CACNB4: variants seen among roughly 807,000 people sequenced by gnomAD.
The protein encoded by CACNB4 is calcium voltage-gated channel auxiliary subunit beta 4.
CACNB4 carries 32 observed loss-of-function variants against 71.2 expected under a neutral mutation model. The ratio of observed to expected loss-of-function variants is 0.45; its 90% CI spans 0.34 to 0.60. The LOEUF is 0.60. CACNB4 is among the 20% of genes least tolerant of loss of function. The pLI, the probability that CACNB4 is intolerant of heterozygous loss-of-function variation, is 0.01. For synonymous variants in CACNB4, 231 were observed against 236.9 expected (o/e 0.97, Z 0.23); for missense variants, 464 against 647.9 (o/e 0.72, Z 3.08).
At chr2:152,083,321 A>T (rs1687462645) in intron 2 of CACNB4, among the ~76,000 whole-genome samples, 1 of 146,972 alleles carries the variant, frequency 6.8e-6, no homozygotes, top group South Asian at 2.2e-4. Context: ...AAAAGAAAGC[A>T]AGCAAGGAAA....
intron 2 of CACNB4, among the ~76,000 whole-genome samples, chr2:151,897,635 G>A (rs1424034836): frequency 6.6e-6 from 1 of 152,228 alleles, no homozygotes; most frequent in Non-Finnish European, 1.5e-5. Flanking sequence ...TATAAGGAGA[G>A]GAGGTGGTTA....
intron 2 of CACNB4, among the ~76,000 whole-genome samples, chr2:152,019,370 T>A (rs954160283): frequency 6.6e-6 from 1 of 152,194 alleles, no homozygotes; most frequent in Non-Finnish European, 1.5e-5. Context: ...ATTCAAAAAG[T>A]TAGATGTATA....
rs1466441732 is a variant in CACNB4 at position 151,834,500 on chromosome 2, TA to T, written c.*4618del. On this transcript the variant is annotated 3_prime_UTR_variant, in exon 14 of 14. Transcript: ENST00000539935. ...AGCATTTAGAATTAATCATTACAAG[TA>T]AAAAGAGATAGCTGCTATCAGAGGA... is the stretch of plus-strand genomic sequence containing the variant. 1 of 151,940 alleles carries T rather than the reference TA, an allele frequency of 6.6e-6. No individual in the cohort carries two copies. Among genetic ancestry groups the T allele is most frequent in the Non-Finnish European group, 1.5e-5 (1 of 67,828 alleles). 9.4% of individuals were successfully genotyped at this position (151,940 alleles called of 1,614,324 possible).
At chr2:151,947,329 A>AG (rs2099865836) in intron 2 of CACNB4, among the ~76,000 whole-genome samples, 1 of 152,172 alleles carries the variant, frequency 6.6e-6, no homozygotes, top group East Asian at 1.9e-4. Flanking sequence ...TCTGGAACTT[A>AG]GGGGGCAAAG....
chr2:151,987,864 C>T (rs1015986718), intron 2 of CACNB4, among the ~76,000 whole-genome samples: 3 of 152,152 alleles, frequency 2.0e-5, no homozygotes, highest in African/African-American at 4.8e-5. Flanking sequence ...ACAATATCTC[C>T]GTCACCATGT....
rs2099836333 is a variant in CACNB4 at position 151,841,959 on chromosome 2, T to C, written c.1246A>G (p.Arg416Gly). 4 of 1,613,934 alleles carry C rather than the reference T, an allele frequency of 2.5e-6. No homozygotes were observed. The highest frequency in any genetic ancestry group is 2.7e-5 in the African/African-American group (2 of 75,042). Residue 416 changes from arginine to glycine, a missense_variant, in exon 13 of 14, where the codon AGG becomes GGG. Arg to Gly is a moderately radical substitution (Grantham distance 125). Coordinates refer to ENST00000539935, the MANE Select transcript of CACNB4 (RefSeq NM_000726.5). Reference sequence around the variant, plus strand: ...GAGAGTGCCGTGGAGCCCAAATTCCTTCCCAGCAGCGGGGTCATGGGTGTG... The same window carrying C: ...GAGAGTGCCGTGGAGCCCAAATTCCCTCCCAGCAGCGGGGTCATGGGTGTG... Reference protein sequence around the residue: ...SSTPMTPLLGRNLGSTALSPY... With the variant: ...SSTPMTPLLGGNLGSTALSPY...
At chr2:151,954,357 T>C (rs890399730) in intron 2 of CACNB4, among the ~76,000 whole-genome samples, 2 of 152,248 alleles carry the variant, frequency 1.3e-5, no homozygotes, top group Non-Finnish European at 1.5e-5. Flanking sequence ...AAGCAGCTCA[T>C]AAAGAACAAA....
intron 2 of CACNB4, among the ~76,000 whole-genome samples, chr2:151,948,037 TG>T (rs1437143088): frequency 6.6e-6 from 1 of 152,220 alleles, no homozygotes; most frequent in Admixed American, 6.5e-5. Context: ...TTTCAGTTTT[TG>T]GCATGCATAA....
chr2:152,097,382 G>C (rs144618698), intron 2 of CACNB4, among the ~76,000 whole-genome samples: 3 of 152,280 alleles, frequency 2.0e-5, no homozygotes, highest in African/African-American at 7.2e-5. Flanking sequence ...CACTCCAGCA[G>C]CCCACAGGAA....
intron 2 of CACNB4, among the ~76,000 whole-genome samples, chr2:151,924,986 C>T (rs2099859872): frequency 6.6e-6 from 1 of 152,100 alleles, no homozygotes; most frequent in Non-Finnish European, 1.5e-5. Flanking sequence ...TTTATCACCT[C>T]TATTATGATA....
At chr2:152,028,323 G>A (rs887697835) in intron 2 of CACNB4, among the ~76,000 whole-genome samples, 9 of 152,110 alleles carry the variant, frequency 5.9e-5, no homozygotes, top group Non-Finnish European at 8.8e-5. Flanking sequence ...CCTAAAATAT[G>A]GAAGTGGAAC....
rs549703566 is a variant in CACNB4 at position 151,983,535 on chromosome 2, T to C, written c.148-100165A>G. On this transcript the variant is annotated intron_variant, in intron 2 of 13. Coordinates refer to ENST00000539935, the MANE Select transcript of CACNB4 (RefSeq NM_000726.5). ...ACATTCATCTACATAGAAAACAGTA[T>C]AAATTTGGAGCCAAATAATAAAAAT... 1.5e-4 allele frequency among the ~76,000 whole-genome samples: 23 copies of C among 152,212 alleles called. 1 individual carries two copies. In the South Asian group the frequency reaches 2.5e-3, roughly 16 times the overall value.
At chr2:151,966,017 T>C (rs1486502812) in intron 2 of CACNB4, among the ~76,000 whole-genome samples, 7 of 152,210 alleles carry the variant, frequency 4.6e-5, no homozygotes, top group African/African-American at 1.2e-4. Flanking sequence ...CAAAACACCG[T>C]GGTAATTGAT....
intron 2 of CACNB4, among the ~76,000 whole-genome samples, chr2:152,010,654 C>T (rs967246405): frequency 7.9e-5 from 12 of 152,156 alleles, no homozygotes; most frequent in Non-Finnish European, 1.5e-5. Context: ...AACAGATAAA[C>T]GGTGCATGGG....
chr2:152,051,395 A>G (rs1685423624), intron 2 of CACNB4, among the ~76,000 whole-genome samples: 1 of 152,190 alleles, frequency 6.6e-6, no homozygotes, highest in Non-Finnish European at 1.5e-5. Flanking sequence ...ATTACCCCAA[A>G]GAGAAATACT....
At chr2:151,880,031 A>G (rs188564191) in intron 4 of CACNB4, 9 of 152,354 alleles carry the variant, frequency 5.9e-5, no homozygotes, top group Admixed American at 4.6e-4. Flanking sequence ...GCCAGGGCAC[A>G]TGTTTCAGGT....
chr2:152,091,640 A>G (rs1025135102), intron 2 of CACNB4, among the ~76,000 whole-genome samples: 1 of 152,026 alleles, frequency 6.6e-6, no homozygotes, highest in Non-Finnish European at 1.5e-5. Flanking sequence ...CTTCTCAAAC[A>G]AAAATAAACA....
At chr2:151,964,729 C>T (rs1224750778) in intron 2 of CACNB4, among the ~76,000 whole-genome samples, 1 of 152,178 alleles carries the variant, frequency 6.6e-6, no homozygotes, top group Non-Finnish European at 1.5e-5. Context: ...AAAAATACCG[C>T]CATTGGCACT....
At position 152,054,171 on chromosome 2, in the gene CACNB4, T is replaced by C. The variant is rs558814068; in HGVS notation, c.147+44159A>G. On this transcript the variant is annotated intron_variant, in intron 2 of 13. Coordinates refer to ENST00000539935, the MANE Select transcript of CACNB4 (RefSeq NM_000726.5). ...TCACGAGGTCAGGAGATCGAGACCA[T>C]CCTGGCTAACGCGGTGAAACCCCGT... Among the ~76,000 whole-genome samples, 48 of 151,496 alleles carry C rather than the reference T, an allele frequency of 3.2e-4. No individual in the cohort carries two copies. In the East Asian group the frequency reaches 8.5e-3, roughly 27 times the overall value.
Sources: gnomAD v4.1 joint callset for allele counts (sites outside exome capture counted in the v4.1 genomes callset) on GRCh38, gnomAD v4.1.1 for gene constraint, MANE v1.5 for transcripts, NCBI Gene and HGNC (gene_info 2026-07-23, HGNC 2026-07-21) for gene names.